Variants in LRRTM4 observed in about 807,000 individuals in gnomAD.
The protein encoded by LRRTM4 is leucine rich repeat transmembrane neuronal 4.
LRRTM4 carries 25 observed loss-of-function variants against 47.6 expected under a neutral mutation model. The ratio of observed to expected loss-of-function variants is 0.53; its 90% CI spans 0.38 to 0.73. The LOEUF (loss-of-function observed/expected upper bound fraction) is 0.73, where lower values mean the gene tolerates loss of function less well. Ranked by LOEUF, LRRTM4 falls within the 30% of genes least tolerant of loss-of-function variation. The pLI is 0.00. For missense variants in LRRTM4, 638 were observed against 713.4 expected, an observed-to-expected ratio of 0.89 and a Z score of 1.20; for synonymous variants, 311 against 269.5, an observed-to-expected ratio of 1.15 and a Z score of -1.51.
chr2:77,014,685 G>A lies in LRRTM4; in HGVS notation c.1552-265769C>T, dbSNP rs375274102. Among the ~76,000 whole-genome samples the A allele has an allele frequency of 1.0e-3, 152 of 151,964 alleles. 2 individuals are homozygous for A. The Middle Eastern group carries it at 0.024, about 24-fold the overall frequency. The stretch of plus-strand genomic sequence containing the variant: ...AAATTAGCTGGATGTGGTGGTGGGC[G>A]CCTGTAATCCCAGCTACCTGGGAGG... On this transcript the variant is annotated intron_variant, in intron 3 of 3. Coordinates refer to ENST00000409884, the MANE Select transcript of LRRTM4 (RefSeq NM_001134745.3).
intron 3 of LRRTM4, among the ~76,000 whole-genome samples, chr2:77,296,380 AT>A (rs1288254350): frequency 6.6e-6 from 1 of 151,972 alleles, no homozygotes; most frequent in Non-Finnish European, 1.5e-5. Context: ...AGCATCTTCG[AT>A]TTTTTTGGCC....
intron 3 of LRRTM4, among the ~76,000 whole-genome samples, chr2:77,448,329 T>C (rs1676131405): frequency 6.6e-6 from 1 of 152,168 alleles, no homozygotes; most frequent in African/African-American, 2.4e-5. Flanking sequence ...CTGGTAGAGA[T>C]CAGCCTTTTA....
intron 3 of LRRTM4, among the ~76,000 whole-genome samples, chr2:77,127,167 C>G (rs573913861): frequency 2.0e-5 from 3 of 151,978 alleles, no homozygotes; most frequent in Non-Finnish European, 4.4e-5. Flanking sequence ...GTCACTTACT[C>G]AAATGTCTGT....
chr2:77,034,114 G>C (rs1320368481), intron 3 of LRRTM4, among the ~76,000 whole-genome samples: 4 of 151,458 alleles, frequency 2.6e-5, no homozygotes, highest in Non-Finnish European at 5.9e-5. Flanking sequence ...CATATAATAA[G>C]ATTTTTAAAG....
intron 3 of LRRTM4, among the ~76,000 whole-genome samples, chr2:77,163,342 T>G (rs1166604181): frequency 6.6e-6 from 1 of 152,186 alleles, no homozygotes; most frequent in Admixed American, 6.5e-5. Flanking sequence ...AGAACAAATC[T>G]ACGTCTGATT....
At position 77,203,603 on chromosome 2, in the gene LRRTM4, C is replaced by T. The variant is rs114434409; in HGVS notation, c.1551+314715G>A. Among the ~76,000 whole-genome samples the T allele has an allele frequency of 2.9e-3, 447 of 152,232 alleles. 1 individual carries two copies. The highest frequency in any genetic ancestry group is 9.9e-3 in the African/African-American group (411 of 41,548). On this transcript the variant is annotated intron_variant, in intron 3 of 3. Transcript: ENST00000409884. ...GACAGACAGCCATAAGTGTGTGTTT[C>T]TGATCATCAGAATGTGGGTTTAGCA...
At position 76,794,776 on chromosome 2, in the gene LRRTM4, C is replaced by T. The variant is rs550306004; in HGVS notation, c.1552-45860G>A. On this transcript the variant is annotated intron_variant, in intron 3 of 3. Transcript: ENST00000409884. Reference sequence around the variant, plus strand: ...TTTTGTGGGATGTGTAGCACCATCACAAACTGTACCCACCAGAGCCAGTAG... The same window carrying T: ...TTTTGTGGGATGTGTAGCACCATCATAAACTGTACCCACCAGAGCCAGTAG... Among the ~76,000 whole-genome samples the T allele has an allele frequency of 3.3e-5, 5 of 152,030 alleles. No individual in the cohort carries two copies. The South Asian group carries it at 1.0e-3, about 32-fold the overall frequency.
intron 3 of LRRTM4, among the ~76,000 whole-genome samples, chr2:77,097,088 T>C (rs1219383518): frequency 1.3e-5 from 2 of 151,744 alleles, no homozygotes; most frequent in African/African-American, 4.8e-5. Flanking sequence ...GGTAGGACAA[T>C]AGTATTATCA....
intron 3 of LRRTM4, among the ~76,000 whole-genome samples, chr2:77,172,535 A>T (rs1374686525): frequency 6.6e-6 from 1 of 152,244 alleles, no homozygotes; most frequent in Non-Finnish European, 1.5e-5. Flanking sequence ...TGGAGGTTGC[A>T]GTGAGCCAAG....
intron 3 of LRRTM4, among the ~76,000 whole-genome samples, chr2:77,432,916 G>A (rs752057725): frequency 1.3e-5 from 2 of 152,082 alleles, no homozygotes; most frequent in Non-Finnish European, 2.9e-5. Context: ...TTTGCTCTTT[G>A]GAGTATACTT....
chr2:77,365,398 A>C (rs1243814898), intron 3 of LRRTM4, among the ~76,000 whole-genome samples: 1 of 152,008 alleles, frequency 6.6e-6, no homozygotes, highest in African/African-American at 2.4e-5. Context: ...ATAACTATGA[A>C]TATACTAAAG....
intron 3 of LRRTM4, among the ~76,000 whole-genome samples, chr2:76,905,491 C>A (rs1318247218): frequency 6.6e-6 from 1 of 152,144 alleles, no homozygotes; most frequent in African/African-American, 2.4e-5. Context: ...TGGAAAAAAG[C>A]TGGACGGAGA....
intron 3 of LRRTM4, among the ~76,000 whole-genome samples, chr2:77,457,311 A>C (rs959500582): frequency 1.2e-4 from 18 of 151,836 alleles, no homozygotes; most frequent in African/African-American, 4.4e-4. Context: ...ATAGGCTTAA[A>C]GTCATTCTTG....
At chr2:77,477,164 T>A (rs893454568) in intron 3 of LRRTM4, among the ~76,000 whole-genome samples, 1 of 152,040 alleles carries the variant, frequency 6.6e-6, no homozygotes, top group Admixed American at 6.5e-5. Context: ...ATTAGCATCA[T>A]GAAGATAGAG....
Position 77,522,229 on chromosome 2 carries a change from T to A in LRRTM4, c.-268A>T. 1.5e-6 allele frequency: 1 copy of A among 680,218 alleles called. No individual in the cohort carries two copies. Among genetic ancestry groups the A allele is most frequent in the Non-Finnish European group, 2.7e-6 (1 of 368,656 alleles). The allele number at this position is 680,218 out of a possible 1,614,324, so 42.1% of individuals were successfully genotyped here. On this transcript the variant is annotated 5_prime_UTR_variant, in exon 1 of 4. Transcript: ENST00000409884. Reference sequence around the variant, plus strand: ...GTATGAGACCCCAGTTTAAAAGCTATGCAGGCTAGGTTTATCCATTTAGCT... The same window carrying A: ...GTATGAGACCCCAGTTTAAAAGCTAAGCAGGCTAGGTTTATCCATTTAGCT...
chr2:77,417,033 C>A (rs776342375), intron 3 of LRRTM4, among the ~76,000 whole-genome samples: 5 of 151,736 alleles, frequency 3.3e-5, no homozygotes, highest in Non-Finnish European at 7.4e-5. Flanking sequence ...TGATGAACTC[C>A]AACAAATTTA....
chr2:77,264,188 G>A (rs1460307087), intron 3 of LRRTM4, among the ~76,000 whole-genome samples: 2 of 152,028 alleles, frequency 1.3e-5, no homozygotes, highest in Non-Finnish European at 2.9e-5. Context: ...TCTGGAGGCT[G>A]GAAATCTAAG....
intron 3 of LRRTM4, among the ~76,000 whole-genome samples, chr2:76,787,523 G>C (rs1170175315): frequency 6.6e-6 from 1 of 151,534 alleles, no homozygotes. Flanking sequence ...GGAGAGTGGA[G>C]GTTAAAAACA....
chr2:77,359,408 T>C (rs1020366215), intron 3 of LRRTM4, among the ~76,000 whole-genome samples: 13 of 152,180 alleles, frequency 8.5e-5, no homozygotes, highest in African/African-American at 3.1e-4. Flanking sequence ...GAGTTTGTCA[T>C]TCTATTTTTC....
Sources: allele counts gnomAD v4.1 joint callset (sites outside exome capture counted in the v4.1 genomes callset), GRCh38; gene constraint gnomAD v4.1.1; transcripts MANE v1.5; gene names NCBI Gene and HGNC (gene_info 2026-07-23, HGNC 2026-07-21).